TMEM207: variants seen among roughly 807,000 people sequenced by gnomAD.
TMEM207 encodes the protein transmembrane protein 207.
In TMEM207, 15 loss-of-function variants were observed where a neutral mutation model predicts 17.4. The ratio of observed to expected loss-of-function variants is 0.86; its 90% CI spans 0.58 to 1.33. The LOEUF is 1.33. Among genes scored for constraint, TMEM207 ranks in the 40% most tolerant of loss-of-function variants. The pLI is 0.00. For synonymous variants in TMEM207, 70 were observed against 65.6 expected, an observed-to-expected ratio of 1.07 and a Z score of -0.33; for missense variants, 205 against 173.8, an observed-to-expected ratio of 1.18 and a Z score of -1.01.
intron 4 of TMEM207, among the ~76,000 whole-genome samples, chr3:190,435,617 G>C (rs1719788467): frequency 2.0e-5 from 3 of 152,152 alleles, no homozygotes; most frequent in African/African-American, 7.2e-5. Flanking sequence ...AAGTGCCAGG[G>C]TCTCTTCTAC....
chr3:190,449,733 AC>A lies in TMEM207; in HGVS notation c.75+1del, dbSNP rs1217516393. 2 of 1,613,574 alleles carry A rather than the reference AC, an allele frequency of 1.2e-6. No homozygotes were observed. Among genetic ancestry groups the A allele is most frequent in the Admixed American group, 1.7e-5 (1 of 59,980 alleles). On this transcript the variant is annotated splice_donor_variant, in intron 1 of 4. Transcript: ENST00000354905. LOFTEE classifies it high-confidence loss of function. ...CCTTAACCCAGAAAGAGAGATAGTT[AC>A]CTGGAATAGCGGCAAACACAAGATC...
At position 190,429,329 on chromosome 3, in the gene TMEM207, G is replaced by C. The variant is rs748356051; in HGVS notation, c.*266C>G. ...TCCAGCACCTAATTGTTGCCTGTTT[G>C]GATACTAGTGGAGAAGCATTAATTT... On this transcript the variant is annotated 3_prime_UTR_variant, in exon 5 of 5. Coordinates refer to ENST00000354905, the MANE Select transcript of TMEM207 (RefSeq NM_207316.3). 3.3e-4 allele frequency: 127 copies of C among 384,822 alleles called. No homozygotes were observed. The highest frequency in any genetic ancestry group is 4.9e-4 in the Non-Finnish European group (103 of 211,438). 23.8% of individuals were successfully genotyped at this position (384,822 alleles called of 1,614,324 possible). A position where few individuals can be genotyped will look rare whatever the true frequency, so the allele number is the denominator to read the frequency against.
At chr3:190,435,254 C>A (rs1460238475) in intron 4 of TMEM207, among the ~76,000 whole-genome samples, 1 of 152,130 alleles carries the variant, frequency 6.6e-6, no homozygotes, top group Non-Finnish European at 1.5e-5. Flanking sequence ...TCTTCTGAGG[C>A]CTCTCTCCTT....
At chr3:190,446,928 A>G (rs564049493) in intron 2 of TMEM207, among the ~76,000 whole-genome samples, 1 of 152,356 alleles carries the variant, frequency 6.6e-6, no homozygotes, top group African/African-American at 2.4e-5. Context: ...AGAGTGAAAA[A>G]GCAGTTCCAA....
chr3:190,438,964 C>T (rs551444132), intron 4 of TMEM207, among the ~76,000 whole-genome samples: 3 of 151,674 alleles, frequency 2.0e-5, no homozygotes, highest in African/African-American at 2.4e-5. Context: ...CCGAGGCGGG[C>T]GGATCACGAG....
chr3:190,430,040 C>T (rs1480731629), intron 4 of TMEM207, among the ~76,000 whole-genome samples: 2 of 152,098 alleles, frequency 1.3e-5, no homozygotes, highest in South Asian at 4.1e-4. Context: ...CAGGATTCCT[C>T]AACACTAATG....
chr3:190,444,391 G>A (rs748824298), intron 2 of TMEM207: 40 of 983,868 alleles, frequency 4.1e-5, no homozygotes, highest in Non-Finnish European at 4.6e-5. Flanking sequence ...TCACCATGTC[G>A]TGGTGCGACT....
intron 2 of TMEM207, among the ~76,000 whole-genome samples, chr3:190,447,005 G>A (rs1228113521): frequency 6.6e-6 from 1 of 152,096 alleles, no homozygotes; most frequent in African/African-American, 2.4e-5. Context: ...AATTTAATAA[G>A]CAGATTGTTA....
intron 2 of TMEM207, chr3:190,444,316 T>C: frequency 1.7e-6 from 1 of 577,766 alleles, no homozygotes; most frequent in Non-Finnish European, 2.2e-6. Flanking sequence ...CAAGTTAGCA[T>C]AGCTGGAAGT....
chr3:190,445,894 A>G (rs1012758303), intron 2 of TMEM207, among the ~76,000 whole-genome samples: 1 of 152,190 alleles, frequency 6.6e-6, no homozygotes, highest in Non-Finnish European at 1.5e-5. Context: ...TTCTTGGAAC[A>G]TAGAAGTTGA....
chr3:190,444,134 T>C (rs1364394430), intron 2 of TMEM207, among the ~76,000 whole-genome samples: 1 of 152,242 alleles, frequency 6.6e-6, no homozygotes, highest in African/African-American at 2.4e-5. Flanking sequence ...TTGGTTTCTC[T>C]GTTACATCAC....
chr3:190,441,557 G>C, intron 2 of TMEM207, 75 bp from the exon 3 acceptor site: 1 of 1,205,918 alleles, frequency 8.3e-7, no homozygotes, highest in Middle Eastern at 1.9e-4. Flanking sequence ...AATAAAATTG[G>C]TACTGATCAC....
chr3:190,443,088 T>C (rs1719967789), intron 2 of TMEM207, among the ~76,000 whole-genome samples: 1 of 152,034 alleles, frequency 6.6e-6, no homozygotes, highest in Non-Finnish European at 1.5e-5. Flanking sequence ...AAAATATACA[T>C]TTTTTAAGAG....
At chr3:190,440,511 C>T (rs896111389) in intron 3 of TMEM207, 122 bp from the exon 4 acceptor site, 2 of 777,612 alleles carry the variant, frequency 2.6e-6, no homozygotes, top group Non-Finnish European at 3.9e-6. Flanking sequence ...ATGTGGGACA[C>T]TGAATTCCTT....
At position 190,447,829 on chromosome 3, in the gene TMEM207, T is replaced by A. The variant is rs778635040; in HGVS notation, c.76-2A>T. On this transcript the variant is annotated splice_acceptor_variant, in intron 1 of 4. Transcript: ENST00000354905. LOFTEE classifies it high-confidence loss of function. ...GCATGGTAGGTCCGAGAGCACCAAC[T>A]GAAACACATGTTTAGAACAATAAAA... 1 of 1,612,472 alleles carries A rather than the reference T, an allele frequency of 6.2e-7. No homozygotes were observed. Among genetic ancestry groups the A allele is most frequent in the South Asian group, 1.1e-5 (1 of 90,722 alleles).
At chr3:190,437,192 A>T (rs998582268) in intron 4 of TMEM207, among the ~76,000 whole-genome samples, 1 of 152,052 alleles carries the variant, frequency 6.6e-6, no homozygotes, top group African/African-American at 2.4e-5. Flanking sequence ...AAGATCCTGG[A>T]GCACAAGCCC....
Position 190,449,882 on chromosome 3 carries a change from G to T in TMEM207, c.-73C>A. 1.5e-6 allele frequency: 2 copies of T among 1,357,864 alleles called. No homozygotes were observed. The highest frequency in any genetic ancestry group is 2.1e-6 in the Non-Finnish European group (2 of 951,518). 84.1% of individuals were successfully genotyped at this position (1,357,864 alleles called of 1,614,324 possible). Reference sequence around the variant, plus strand: ...TTTCCTTCTTTCTCAGAACTTACTAGCTTCTCTATAAGTTATGCTTCCTAC... The same window carrying T: ...TTTCCTTCTTTCTCAGAACTTACTATCTTCTCTATAAGTTATGCTTCCTAC... On this transcript the variant is annotated 5_prime_UTR_variant, in exon 1 of 5. Coordinates refer to ENST00000354905, the MANE Select transcript of TMEM207 (RefSeq NM_207316.3).
rs201791052 is a variant in TMEM207 at position 190,443,145 on chromosome 3, C to CTT, written c.114-1665_114-1664dup. Among the ~76,000 whole-genome samples the CTT allele has an allele frequency of 3.7e-3, 513 of 140,330 alleles. 5 individuals are homozygous for CTT. The highest frequency in any genetic ancestry group is 0.012 in the Middle Eastern group (3 of 260). 92.1% of individuals were successfully genotyped at this position (140,330 alleles called of 152,430 possible). A position where few individuals can be genotyped will look rare whatever the true frequency, so the allele number is the denominator to read the frequency against. On this transcript the variant is annotated intron_variant, in intron 2 of 4. Coordinates refer to ENST00000354905, the MANE Select transcript of TMEM207 (RefSeq NM_207316.3). ...TGGTGTCCTGACACAATTAAAAAAGCTTTTTTTTTTTTTTGTTTTGTTTTG... is the reference window on the plus strand; with the variant it reads ...TGGTGTCCTGACACAATTAAAAAAGCTTTTTTTTTTTTTTTTGTTTTGTTTTG...
chr3:190,428,838 C>G lies in TMEM207; in HGVS notation c.*757G>C. 6.6e-6 allele frequency: 1 copy of G among 152,150 alleles called. No individual in the cohort carries two copies. Among genetic ancestry groups the G allele is most frequent in the East Asian group, 1.9e-4 (1 of 5,176 alleles). The allele number at this position is 152,150 out of a possible 1,614,324, so 9.4% of individuals were successfully genotyped here. A position where few individuals can be genotyped will look rare whatever the true frequency, so the allele number is the denominator to read the frequency against. ...GGAACAGATACCTATGCCGAAGGTT[C>G]TTAGCATGATGCTGCAATAAATGCC... On this transcript the variant is annotated 3_prime_UTR_variant, in exon 5 of 5. Transcript: ENST00000354905.
Sources: allele counts gnomAD v4.1 joint callset (sites outside exome capture counted in the v4.1 genomes callset), GRCh38; gene constraint gnomAD v4.1.1; transcripts MANE v1.5; gene names NCBI Gene and HGNC (gene_info 2026-07-23, HGNC 2026-07-21).